APBB2: variants seen among roughly 807,000 people sequenced by gnomAD.
APBB2 encodes the protein Fe65-like 1.
A neutral mutation model predicts 82.5 loss-of-function variants in APBB2; 38 were observed. That is an observed-to-expected ratio of 0.46 (90% CI 0.36 to 0.60). The LOEUF (loss-of-function observed/expected upper bound fraction) is 0.60, where lower values mean the gene tolerates loss of function less well. Among genes scored for constraint, APBB2 ranks in the 20% least tolerant of loss-of-function variants. APBB2 has a pLI of 0.00. For synonymous variants in APBB2, 341 were observed against 368.2 expected (o/e 0.93, Z 0.85); for missense variants, 772 against 972.3 (o/e 0.79, Z 2.74).
intron 12 of APBB2, among the ~76,000 whole-genome samples, chr4:40,860,258 G>C (rs899959238): frequency 1.3e-5 from 2 of 152,204 alleles, no homozygotes; most frequent in Non-Finnish European, 2.9e-5. Context: ...GGATACACTA[G>C]AGGGTCTAAT....
chr4:41,152,408 C>T (rs1408098609), intron 1 of APBB2, among the ~76,000 whole-genome samples: 2 of 151,162 alleles, frequency 1.3e-5, no homozygotes, highest in African/African-American at 4.9e-5. Context: ...CTACAAGCTC[C>T]GCCTCCTGCG....
intron 1 of APBB2, among the ~76,000 whole-genome samples, chr4:41,162,533 C>A (rs1404160530): frequency 1.3e-5 from 2 of 152,182 alleles, no homozygotes; most frequent in Non-Finnish European, 2.9e-5. Context: ...TCTACATAGA[C>A]ACACATACAT....
intron 4 of APBB2, among the ~76,000 whole-genome samples, chr4:41,060,250 A>G (rs1729340889): frequency 6.6e-6 from 1 of 152,202 alleles, no homozygotes; most frequent in Non-Finnish European, 1.5e-5. Flanking sequence ...GTTGTTCAGG[A>G]AAAAGTTACC....
chr4:41,125,324 G>A (rs764663615), intron 2 of APBB2, among the ~76,000 whole-genome samples: 1 of 152,002 alleles, frequency 6.6e-6, no homozygotes, highest in African/African-American at 2.4e-5. Flanking sequence ...CAGAAGAGTC[G>A]GCCACACATA....
chr4:41,125,865 G>T (rs2154000338), intron 2 of APBB2, among the ~76,000 whole-genome samples: 1 of 152,290 alleles, frequency 6.6e-6, no homozygotes, highest in Admixed American at 6.5e-5. Context: ...GGCATCCCAT[G>T]CACATGGTCC....
At chr4:40,825,339 A>G (rs1749521140) in intron 15 of APBB2, among the ~76,000 whole-genome samples, 1 of 152,204 alleles carries the variant, frequency 6.6e-6, no homozygotes, top group Non-Finnish European at 1.5e-5. Context: ...TTGGCAGTAT[A>G]TGTAGCTTGC....
chr4:41,096,838 G>A (rs1039828652), intron 3 of APBB2, among the ~76,000 whole-genome samples: 1 of 152,122 alleles, frequency 6.6e-6, no homozygotes, highest in African/African-American at 2.4e-5. Flanking sequence ...GCTACATAAA[G>A]GTTATTTAAA....
At chr4:41,054,698 T>C (rs1727217928) in intron 4 of APBB2, among the ~76,000 whole-genome samples, 1 of 152,114 alleles carries the variant, frequency 6.6e-6, no homozygotes, top group Non-Finnish European at 1.5e-5. Context: ...CTATATAAAG[T>C]ATAAATGGGC....
intron 1 of APBB2, among the ~76,000 whole-genome samples, chr4:41,157,188 G>A (rs562552586): frequency 4.0e-4 from 61 of 152,154 alleles, no homozygotes; most frequent in African/African-American, 1.4e-3. Flanking sequence ...GATTTCTATC[G>A]TCTTGCACAC....
intron 6 of APBB2, among the ~76,000 whole-genome samples, chr4:40,983,459 C>G (rs34919847): frequency 0.18 from 27,091 of 152,226 alleles, 2,791 homozygotes; most frequent in Middle Eastern, 0.25. Context: ...ATTCTCTTCC[C>G]TATCATTCTA....
rs183779387 is a variant in APBB2 at position 41,107,128 on chromosome 4, A to G, written c.-260-6378T>C. ...TGTTTGAGATCAGCCTGGCCAACAC[A>G]GTGAAACCCCATCTTTACAAAAAAA... is the stretch of plus-strand genomic sequence containing the variant. On this transcript the variant is annotated intron_variant, in intron 2 of 17. Transcript: ENST00000508593. 4.3e-4 allele frequency among the ~76,000 whole-genome samples: 65 copies of G among 152,230 alleles called. No individual in the cohort carries two copies. In the East Asian group the frequency reaches 0.012, roughly 29 times the overall value.
intron 10 of APBB2, among the ~76,000 whole-genome samples, chr4:40,931,092 T>A (rs1290506504): frequency 6.6e-6 from 1 of 152,040 alleles, no homozygotes; most frequent in African/African-American, 2.4e-5. Context: ...AGGGGACCAC[T>A]TGGTTCCTTG....
At chr4:40,955,013 C>T (rs1309201269) in intron 6 of APBB2, among the ~76,000 whole-genome samples, 4 of 149,830 alleles carry the variant, frequency 2.7e-5, no homozygotes, top group Non-Finnish European at 5.9e-5. Context: ...AGAAATGTGA[C>T]GTGTGTACTC....
chr4:41,186,681 C>T (rs1171492962), intron 1 of APBB2, among the ~76,000 whole-genome samples: 1 of 152,192 alleles, frequency 6.6e-6, no homozygotes, highest in Non-Finnish European at 1.5e-5. Context: ...ATACCCTTGA[C>T]TTACATTGCA....
intron 10 of APBB2, among the ~76,000 whole-genome samples, chr4:40,913,808 AG>A (rs1779165637): frequency 6.6e-6 from 1 of 152,092 alleles, no homozygotes; most frequent in Admixed American, 6.5e-5. Flanking sequence ...TCCCGAGAAC[AG>A]TGCTAAAGTG....
chr4:40,982,238 G>GA lies in APBB2; in HGVS notation c.835+31344dup, dbSNP rs1315604291. ...AAAAGAAAGGAAAGAAAGAAAGAAA[G>GA]AAAGAAAGAAAGAAAGAAAGAAAGA... On this transcript the variant is annotated intron_variant, in intron 6 of 17. Transcript: ENST00000508593. Among the ~76,000 whole-genome samples, 37 of 5,924 alleles carry GA rather than the reference G, an allele frequency of 6.2e-3. 2 individuals are homozygous for GA. The highest frequency in any genetic ancestry group is 8.1e-3 in the Admixed American group (4 of 494). 3.9% of individuals were successfully genotyped at this position (5,924 alleles called of 152,430 possible).
chr4:40,961,552 A>G, intron 6 of APBB2, among the ~76,000 whole-genome samples: 1 of 149,490 alleles, frequency 6.7e-6, no homozygotes, highest in African/African-American at 2.5e-5. Context: ...CTAGATGTCG[A>G]GTTAGTGGGT....
chr4:40,914,579 C>T (rs11731890), intron 10 of APBB2, among the ~76,000 whole-genome samples: 101,495 of 151,894 alleles, frequency 0.67, 34,301 homozygotes, highest in South Asian at 0.83. Context: ...GGTAGATAGA[C>T]AGACAGACAG....
intron 7 of APBB2, among the ~76,000 whole-genome samples, chr4:40,943,789 C>T (rs1388513188): frequency 6.6e-6 from 1 of 152,200 alleles, no homozygotes; most frequent in Non-Finnish European, 1.5e-5. Flanking sequence ...CACAGGTAAA[C>T]CAAAGTCCTT....
Sources: gnomAD v4.1 joint callset for allele counts (sites outside exome capture counted in the v4.1 genomes callset) on GRCh38, gnomAD v4.1.1 for gene constraint, MANE v1.5 for transcripts, NCBI Gene and HGNC (gene_info 2026-07-23, HGNC 2026-07-21) for gene names.